Variants in LRRC18 observed in about 807,000 individuals in gnomAD.
LRRC18 encodes leucine rich repeat containing 18, also known as leucine-rich repeat-containing protein 18.
In LRRC18, 12 loss-of-function variants were observed where a neutral mutation model predicts 11.2. The observed-to-expected ratio is 1.07, with a 90% CI of 0.69 to 1.74. The LOEUF (loss-of-function observed/expected upper bound fraction) is 1.74, where lower values mean the gene tolerates loss of function less well. Among genes scored for constraint, LRRC18 ranks in the 40% most tolerant of loss-of-function variants. LRRC18 has a pLI of 0.00. For missense variants in LRRC18, 374 were observed against 330.5 expected (o/e 1.13, Z -1.02); for synonymous variants, 155 against 130.6 (o/e 1.19, Z -1.27).
chr10:48,923,994 G>A, the LRRC18 span, among the ~76,000 whole-genome samples: 1 of 152,206 alleles, frequency 6.6e-6, no homozygotes, highest in Non-Finnish European at 1.5e-5. Flanking sequence ...TCTGATGAAT[G>A]GTGATGAGGA....
At chr10:48,916,829 C>G (rs59439592), upstream of LRRC18, among the ~76,000 whole-genome samples, 17,714 of 40,066 alleles carry the variant, frequency 0.44, 2,661 homozygotes, top group African/African-American at 0.52. Context: ...TACTACAGAC[C>G]CCTAGGTGCT....
the LRRC18 span, among the ~76,000 whole-genome samples, chr10:48,934,075 A>G: frequency 6.6e-6 from 1 of 152,248 alleles, no homozygotes; most frequent in South Asian, 2.1e-4. Context: ...AAGGCATGTG[A>G]TCAGAGCAGC....
At chr10:48,916,159 A>G (rs188004403), upstream of LRRC18, among the ~76,000 whole-genome samples, 159 of 152,250 alleles carry the variant, frequency 1.0e-3, 1 homozygote, top group African/African-American at 3.7e-3. Context: ...GTAAAGACCA[A>G]TCTGGCCACA....
At chr10:48,934,301 C>T in the LRRC18 span, among the ~76,000 whole-genome samples, 13 of 152,176 alleles carry the variant, frequency 8.5e-5, no homozygotes, top group African/African-American at 3.1e-4. Context: ...AATGAGGTTC[C>T]TCCCTCTGTA....
At chr10:48,928,255 C>T in the LRRC18 span, among the ~76,000 whole-genome samples, 3,228 of 152,224 alleles carry the variant, frequency 0.021, 118 homozygotes, top group African/African-American at 0.071. Flanking sequence ...CTGAACCCCA[C>T]AAGCTTCAGC....
chr10:48,928,382 G>GTGTGTGTA, the LRRC18 span, among the ~76,000 whole-genome samples: 1 of 151,532 alleles, frequency 6.6e-6, no homozygotes, highest in Non-Finnish European at 1.5e-5. Context: ...GTGTGTGTGT[G>GTGTGTGTA]TGTGTGTGTG....
chr10:48,913,846 T>C (rs1451459457), exon 1 of LRRC18: 21 of 1,613,990 alleles, frequency 1.3e-5, no homozygotes, highest in Non-Finnish European at 1.6e-5. Flanking sequence ...CGGTTGTTGC[T>C]GACGTTGAGG....
At chr10:48,932,310 C>T in the LRRC18 span, among the ~76,000 whole-genome samples, 4 of 152,162 alleles carry the variant, frequency 2.6e-5, no homozygotes, top group Non-Finnish European at 5.9e-5. Context: ...GGGCCACTCC[C>T]CACTGGTCAG....
At chr10:48,911,694 G>T (rs1838018759) in intron 1 of LRRC18, among the ~76,000 whole-genome samples, 6 of 152,180 alleles carry the variant, frequency 3.9e-5, no homozygotes, top group Admixed American at 3.9e-4. Context: ...AAAATAACTA[G>T]TAAGGAACTC....
chr10:48,933,359 G>A, the LRRC18 span, among the ~76,000 whole-genome samples: 3,497 of 152,246 alleles, frequency 0.023, 119 homozygotes, highest in African/African-American at 0.08. Context: ...CTAGTCAAAG[G>A]CGCATGCCTC....
At chr10:48,937,684 A>T in the LRRC18 span, among the ~76,000 whole-genome samples, 1,739 of 152,342 alleles carry the variant, frequency 0.011, 25 homozygotes, top group African/African-American at 0.038. Flanking sequence ...CAGATTTTCC[A>T]CGTTAGGGAA....
At chr10:48,913,759 G>T (rs890691444) in exon 1 of LRRC18, 1 of 1,614,080 alleles carries the variant, frequency 6.2e-7, no homozygotes, top group African/African-American at 1.3e-5. Context: ...ACGCTGTCCA[G>T]GTGGTTCAAG....
exon 1 of LRRC18, chr10:48,913,964 C>T: frequency 6.2e-7 from 1 of 1,614,186 alleles, no homozygotes; most frequent in Non-Finnish European, 8.5e-7. Context: ...AGTCAGGGAT[C>T]TTCCTGATAA....
intron 1 of LRRC18, 128 bp downstream of exon 3, chr10:48,913,264 T>G: frequency 2.3e-6 from 2 of 861,668 alleles, no homozygotes; most frequent in South Asian, 1.7e-5. Context: ...AGGAAAGGAG[T>G]TTTATGGGCT....
upstream of LRRC18, among the ~76,000 whole-genome samples, chr10:48,915,868 T>C (rs1252070718): frequency 1.3e-5 from 2 of 152,184 alleles, no homozygotes; most frequent in Non-Finnish European, 2.9e-5. Flanking sequence ...TTAAAAATAG[T>C]GGACTCCCCA....
chr10:48,923,804 G>T, the LRRC18 span, among the ~76,000 whole-genome samples: 1 of 152,052 alleles, frequency 6.6e-6, no homozygotes, highest in African/African-American at 2.4e-5. Context: ...GCTGCCTTTT[G>T]GTTTTCTTCT....
chr10:48,938,823 T>G, the LRRC18 span, among the ~76,000 whole-genome samples: 3 of 152,334 alleles, frequency 2.0e-5, no homozygotes, highest in African/African-American at 7.2e-5. Flanking sequence ...GATTCAGAGA[T>G]AATCTTTCCA....
At chr10:48,915,508 G>A (rs1838438709), upstream of LRRC18, among the ~76,000 whole-genome samples, 2 of 152,074 alleles carry the variant, frequency 1.3e-5, no homozygotes, top group South Asian at 2.1e-4. Context: ...TGCAGGGATG[G>A]GCAGGGAGAG....
the LRRC18 span, among the ~76,000 whole-genome samples, chr10:48,936,149 A>C: frequency 1.3e-5 from 2 of 152,186 alleles, no homozygotes; most frequent in African/African-American, 2.4e-5. Context: ...AAGTAGTAAA[A>C]ATTTTGGAAA....
Sources: gnomAD v4.1 joint callset for allele counts (sites outside exome capture counted in the v4.1 genomes callset) on GRCh38, gnomAD v4.1.1 for gene constraint, MANE v1.5 for transcripts, NCBI Gene and HGNC (gene_info 2026-07-23, HGNC 2026-07-21) for gene names.